NCK1: variants seen among roughly 807,000 people sequenced by gnomAD.
The protein encoded by NCK1 is NCK adaptor protein 1.
A neutral mutation model predicts 36.6 loss-of-function variants in NCK1; 19 were observed. The ratio of observed to expected loss-of-function variants is 0.52; its 90% CI spans 0.36 to 0.76. NCK1 has a LOEUF of 0.76. NCK1 is among the 30% of genes least tolerant of loss of function. The pLI is 0.00. For synonymous variants in NCK1, 165 were observed against 156.0 expected (o/e 1.06, Z -0.43); for missense variants, 358 against 445.6 (o/e 0.80, Z 1.77).
At chr3:136,882,639 A>T (rs1026190422) in intron 1 of NCK1, among the ~76,000 whole-genome samples, 3 of 151,380 alleles carry the variant, frequency 2.0e-5, no homozygotes, top group Non-Finnish European at 4.4e-5. Flanking sequence ...AGGCACCTGT[A>T]TCTTATGTCA....
At chr3:136,929,264 T>A (rs977828044) in intron 2 of NCK1, among the ~76,000 whole-genome samples, 1 of 152,182 alleles carries the variant, frequency 6.6e-6, no homozygotes, top group Admixed American at 6.5e-5. Flanking sequence ...ATTATTGTTA[T>A]TCTAGAATGT....
intron 2 of NCK1, among the ~76,000 whole-genome samples, chr3:136,945,371 A>G (rs1170539270): frequency 6.6e-6 from 1 of 152,182 alleles, no homozygotes; most frequent in African/African-American, 2.4e-5. Flanking sequence ...ACTGTCATAT[A>G]ATAACAAATT....
chr3:136,876,246 A>C (rs1351519315), intron 1 of NCK1, among the ~76,000 whole-genome samples: 9 of 149,492 alleles, frequency 6.0e-5, no homozygotes, highest in Non-Finnish European at 1.3e-4. Context: ...TAAAAGAACT[A>C]GAAAAGCAAG....
At chr3:136,931,226 A>G (rs1940383029) in intron 2 of NCK1, among the ~76,000 whole-genome samples, 1 of 152,184 alleles carries the variant, frequency 6.6e-6, no homozygotes, top group African/African-American at 2.4e-5. Flanking sequence ...AAAACTAATA[A>G]TAATTTATAA....
chr3:136,863,456 C>A (rs994594968), intron 1 of NCK1, among the ~76,000 whole-genome samples: 2 of 152,186 alleles, frequency 1.3e-5, no homozygotes, highest in East Asian at 1.9e-4. Context: ...AATATTCGTT[C>A]TTTTCTTTTT....
At chr3:136,932,598 C>T (rs1284855060) in intron 2 of NCK1, among the ~76,000 whole-genome samples, 1 of 152,052 alleles carries the variant, frequency 6.6e-6, no homozygotes. Flanking sequence ...AGTTCTGTTC[C>T]CAGACATATC....
At chr3:136,906,920 G>A (rs936184528) in intron 1 of NCK1, among the ~76,000 whole-genome samples, 9 of 152,142 alleles carry the variant, frequency 5.9e-5, no homozygotes, top group Non-Finnish European at 1.2e-4. Flanking sequence ...GAGGGATGGA[G>A]CCAGGTTGTA....
chr3:136,944,964 A>G (rs1176424205), intron 2 of NCK1, among the ~76,000 whole-genome samples: 1 of 152,210 alleles, frequency 6.6e-6, no homozygotes, highest in African/African-American at 2.4e-5. Flanking sequence ...TAAACAAACA[A>G]AACTCCCTGT....
At chr3:136,944,367 C>G (rs993964501) in intron 2 of NCK1, among the ~76,000 whole-genome samples, 10 of 152,082 alleles carry the variant, frequency 6.6e-5, no homozygotes, top group Non-Finnish European at 1.3e-4. Context: ...ATCTGCCCGC[C>G]TCAGCCTCCC....
At position 136,949,219 on chromosome 3, in the gene NCK1, A is replaced by AT. The variant is rs1370427955; in HGVS notation, c.*773dup. ...GTAAATAGATGCTCTAGTGTTATTT[A>AT]TTTTTTTAATCCCACTTGTATTATT... On this transcript the variant is annotated 3_prime_UTR_variant, in exon 4 of 4. Coordinates refer to ENST00000481752, the MANE Select transcript of NCK1 (RefSeq NM_001291999.2). 1.3e-5 allele frequency: 2 copies of AT among 151,880 alleles called. No individual in the cohort carries two copies. The highest frequency in any genetic ancestry group is 4.8e-5 in the African/African-American group (2 of 41,390). The allele number at this position is 151,880 out of a possible 1,614,324, so 9.4% of individuals were successfully genotyped here. A position where few individuals can be genotyped will look rare whatever the true frequency, so the allele number is the denominator to read the frequency against.
chr3:136,932,968 T>G (rs1315064528), intron 2 of NCK1, among the ~76,000 whole-genome samples: 1 of 152,184 alleles, frequency 6.6e-6, no homozygotes, highest in Non-Finnish European at 1.5e-5. Flanking sequence ...ATAAGTACAC[T>G]GGGTTCAGAA....
intron 1 of NCK1, among the ~76,000 whole-genome samples, chr3:136,864,438 C>G (rs1371527017): frequency 6.6e-6 from 1 of 151,684 alleles, no homozygotes; most frequent in Non-Finnish European, 1.5e-5. Flanking sequence ...TTGCAGTGAG[C>G]CAAGATCGCC....
chr3:136,888,233 G>A (rs943577025), intron 1 of NCK1, among the ~76,000 whole-genome samples: 1 of 152,052 alleles, frequency 6.6e-6, no homozygotes, highest in African/African-American at 2.4e-5. Flanking sequence ...GTGAGCCACC[G>A]TGCCTGGCCC....
chr3:136,899,622 CT>C, intron 1 of NCK1: 1 of 671,728 alleles, frequency 1.5e-6, no homozygotes. Flanking sequence ...TGCTGCTTTT[CT>C]TTTCCCTTGA....
intron 2 of NCK1, chr3:136,930,522 G>A (rs1940363785): frequency 1.4e-6 from 2 of 1,430,434 alleles, no homozygotes; most frequent in Non-Finnish European, 1.8e-6. Flanking sequence ...ATCCTGAGCT[G>A]TGTTAACAAA....
chr3:136,926,977 ATTTATT>A (rs980662270), intron 1 of NCK1, among the ~76,000 whole-genome samples: 2 of 152,002 alleles, frequency 1.3e-5, no homozygotes, highest in African/African-American at 4.8e-5. Context: ...GTATTTATTT[ATTTATT>A]TTTTTGAGAC....
chr3:136,921,226 A>G (rs1940100026), intron 1 of NCK1, among the ~76,000 whole-genome samples: 1 of 152,222 alleles, frequency 6.6e-6, no homozygotes, highest in Non-Finnish European at 1.5e-5. Flanking sequence ...GTATATAGAT[A>G]GCCAAACTAC....
chr3:136,868,282 A>T (rs1461623305), intron 1 of NCK1, among the ~76,000 whole-genome samples: 2 of 152,160 alleles, frequency 1.3e-5, no homozygotes, highest in African/African-American at 4.8e-5. Flanking sequence ...TATACTTGTT[A>T]GGTGTATTAA....
chr3:136,890,491 G>T (rs563360566), intron 1 of NCK1, among the ~76,000 whole-genome samples: 1 of 152,372 alleles, frequency 6.6e-6, no homozygotes, highest in South Asian at 2.1e-4. Context: ...TGCTGCCAAA[G>T]TGGGAGCCCA....
Sources: allele counts gnomAD v4.1 joint callset (sites outside exome capture counted in the v4.1 genomes callset), GRCh38; gene constraint gnomAD v4.1.1; transcripts MANE v1.5; gene names NCBI Gene and HGNC (gene_info 2026-07-23, HGNC 2026-07-21).